The following RPH3A variants were observed in gnomAD, a reference collection of about 807,000 sequenced individuals.
RPH3A encodes rabphilin 3A, also known as rabphilin-3A.
RPH3A carries 48 observed loss-of-function variants against 102.2 expected under a neutral mutation model. The ratio of observed to expected loss-of-function variants is 0.47; its 90% CI spans 0.37 to 0.60. The LOEUF (loss-of-function observed/expected upper bound fraction) is 0.60, where lower values mean the gene tolerates loss of function less well. RPH3A is among the 20% of genes least tolerant of loss of function. The pLI, the probability that RPH3A is intolerant of heterozygous loss-of-function variation, is 0.00. For synonymous variants in RPH3A, 310 were observed against 324.3 expected, an observed-to-expected ratio of 0.96 and a Z score of 0.47; for missense variants, 781 against 910.1, an observed-to-expected ratio of 0.86 and a Z score of 1.83.
chr12:112,835,971 G>A (rs2042042379), intron 3 of RPH3A, among the ~76,000 whole-genome samples: 1 of 152,174 alleles, frequency 6.6e-6, no homozygotes, highest in Non-Finnish European at 1.5e-5. Context: ...AGACATGGAA[G>A]GAGGAAACTG....
Position 112,894,606 on chromosome 12 carries a change from G to A in RPH3A, c.1804G>A (p.Ala602Thr), listed in dbSNP as rs1230388136. Residue 602 changes from alanine (A) to threonine (T), a missense_variant, in exon 20 of 22, where the codon GCC (alanine) becomes ACC (threonine). Around this residue, in one of 2 missense-constraint regions of RPH3A, gnomAD observed 730 missense variants for 810.0 expected, o/e 0.90. Coordinates refer to ENST00000389385, the MANE Select transcript of RPH3A (RefSeq NM_001143854.2). ...LWLKPDMGKK[A>T]KHKTQIKKKT... ...GCTGAAACCGGACATGGGAAAGAAG[G>A]CCAAACACAAGACTCAAATTAAAAA... 1 of 1,613,510 alleles carries A rather than the reference G, an allele frequency of 6.2e-7. No individual in the cohort carries two copies. The highest frequency in any genetic ancestry group is 1.7e-5 in the Admixed American group (1 of 59,966).
chr12:112,615,031 T>A (rs1364157388), intron 1 of RPH3A, among the ~76,000 whole-genome samples: 2 of 152,180 alleles, frequency 1.3e-5, no homozygotes, highest in Admixed American at 6.5e-5. Flanking sequence ...AATTTACTGT[T>A]GAACTCATCC....
intron 5 of RPH3A, among the ~76,000 whole-genome samples, chr12:112,851,998 T>C (rs1413527188): frequency 6.6e-6 from 1 of 152,216 alleles, no homozygotes; most frequent in Non-Finnish European, 1.5e-5. Flanking sequence ...ATTATTTTCA[T>C]GATTTTATGG....
intron 1 of RPH3A, among the ~76,000 whole-genome samples, chr12:112,744,735 G>A (rs2040732336): frequency 6.6e-6 from 1 of 152,182 alleles, no homozygotes; most frequent in Admixed American, 6.5e-5. Flanking sequence ...AGGTCGCACA[G>A]TCAGGGGAGA....
chr12:112,875,538 A>C lies in RPH3A; in HGVS notation c.884-141A>C, dbSNP rs1593114750. On this transcript the variant is annotated intron_variant, in intron 11 of 21. Transcript: ENST00000389385. ...TTCTAAATCCAAAAGCTCCTCTCCC[A>C]GTGGGACTGTTTCTGCAGCCTCGGG... The C allele has an allele frequency of 4.4e-6, 3 of 680,714 alleles. No individual in the cohort carries two copies. In the East Asian group the frequency reaches 8.3e-5, roughly 19 times the overall value. The allele number at this position is 680,714 out of a possible 1,614,324, so 42.2% of individuals were successfully genotyped here.
chr12:112,635,014 G>A (rs776480311), intron 1 of RPH3A, among the ~76,000 whole-genome samples: 12 of 151,924 alleles, frequency 7.9e-5, no homozygotes, highest in African/African-American at 1.9e-4. Context: ...TTTCCTTTAC[G>A]AGAATTTTAT....
chr12:112,731,266 G>A (rs935443538), intron 1 of RPH3A, among the ~76,000 whole-genome samples: 7 of 151,944 alleles, frequency 4.6e-5, no homozygotes, highest in African/African-American at 7.3e-5. Flanking sequence ...GAGAAAGAGG[G>A]AGAGAAGAAT....
chr12:112,697,910 G>C (rs1264069773), intron 1 of RPH3A, among the ~76,000 whole-genome samples: 1 of 151,418 alleles, frequency 6.6e-6, no homozygotes, highest in African/African-American at 2.4e-5. Context: ...TAAAGAAATT[G>C]ACAAATGAAT....
chr12:112,717,046 C>T (rs1255861709), intron 1 of RPH3A, among the ~76,000 whole-genome samples: 1 of 152,134 alleles, frequency 6.6e-6, no homozygotes, highest in Non-Finnish European at 1.5e-5. Context: ...CCATTTAATT[C>T]TTATAACGGC....
chr12:112,662,050 C>A (rs1163601421), intron 1 of RPH3A, among the ~76,000 whole-genome samples: 3 of 152,142 alleles, frequency 2.0e-5, no homozygotes, highest in Admixed American at 2.0e-4. Flanking sequence ...TCAGTAGGGA[C>A]AAGGGAGGAC....
At chr12:112,595,500 TC>T (rs745506287) in intron 1 of RPH3A, among the ~76,000 whole-genome samples, 5 of 152,158 alleles carry the variant, frequency 3.3e-5, no homozygotes, top group African/African-American at 4.8e-5. Flanking sequence ...CCAAGCCCTC[TC>T]CCTCCTCCTT....
intron 4 of RPH3A, among the ~76,000 whole-genome samples, chr12:112,845,750 G>A (rs2042218676): frequency 6.6e-6 from 1 of 152,164 alleles, no homozygotes; most frequent in Admixed American, 6.5e-5. Flanking sequence ...GAGAACCAGG[G>A]CCAGATAAGG....
At chr12:112,861,434 G>A (rs1007351375) in intron 5 of RPH3A, among the ~76,000 whole-genome samples, 2 of 152,166 alleles carry the variant, frequency 1.3e-5, no homozygotes, top group Non-Finnish European at 2.9e-5. Context: ...TGATTCAAGG[G>A]CCCTTGGTGA....
chr12:112,621,010 A>ATT (rs1324365562), intron 1 of RPH3A, among the ~76,000 whole-genome samples: 1 of 146,182 alleles, frequency 6.8e-6, no homozygotes. Context: ...TAACATTATT[A>ATT]TTTTTTTTTT....
chr12:112,578,190 G>C (rs899373321), intron 1 of RPH3A, among the ~76,000 whole-genome samples: 1 of 152,160 alleles, frequency 6.6e-6, no homozygotes, highest in Non-Finnish European at 1.5e-5. Flanking sequence ...GCATGAGACA[G>C]TTTCAAACAG....
intron 16 of RPH3A, 112 bp downstream of exon 16, chr12:112,883,514 GT>G (rs1204138304): frequency 1.4e-6 from 1 of 699,100 alleles, no homozygotes; most frequent in Admixed American, 2.8e-5. Context: ...TCTCTACATA[GT>G]TTATTTTTTT....
At chr12:112,689,221 G>C (rs2040289019) in intron 1 of RPH3A, among the ~76,000 whole-genome samples, 1 of 152,192 alleles carries the variant, frequency 6.6e-6, no homozygotes, top group South Asian at 2.1e-4. Context: ...ACTTGACCAT[G>C]GAATTGGGAG....
chr12:112,801,484 T>C (rs1394240274), intron 2 of RPH3A, among the ~76,000 whole-genome samples: 3 of 152,218 alleles, frequency 2.0e-5, no homozygotes, highest in African/African-American at 7.2e-5. Context: ...TCCAGGCATG[T>C]CTTCTCATCT....
chr12:112,837,784 G>C, intron 4 of RPH3A: 3 of 455,918 alleles, frequency 6.6e-6, no homozygotes, highest in Non-Finnish European at 1.3e-5. Flanking sequence ...GTTCTTAGAG[G>C]CTTCATGAAT....
Sources: gnomAD v4.1 joint callset for allele counts (sites outside exome capture counted in the v4.1 genomes callset) on GRCh38, gnomAD v4.1.1 for gene constraint, gnomAD v4.1.1 regional missense constraint, MANE v1.5 for transcripts, NCBI Gene and HGNC (gene_info 2026-07-23, HGNC 2026-07-21) for gene names.